PPP2R5A: variants seen among roughly 807,000 people sequenced by gnomAD.
PPP2R5A encodes the protein protein phosphatase 2 regulatory subunit B'alpha.
Under a neutral mutation model 64.2 loss-of-function variants are expected in PPP2R5A, and 25 were observed. The observed-to-expected ratio is 0.39, with a 90% CI of 0.28 to 0.54. The LOEUF is 0.54. Among genes scored for constraint, PPP2R5A ranks in the 20% least tolerant of loss-of-function variants. PPP2R5A has a pLI of 0.67. For missense variants in PPP2R5A, 425 were observed against 576.3 expected (o/e 0.74, Z 2.69); for synonymous variants, 198 against 201.2 (o/e 0.98, Z 0.13).
At chr1:212,303,507 CTTGGTGGTATCCT>C (rs1266157513) in intron 1 of PPP2R5A, among the ~76,000 whole-genome samples, 1 of 151,730 alleles carries the variant, frequency 6.6e-6, no homozygotes, top group Non-Finnish European at 1.5e-5. Context: ...TTTTCACTTT[CTTGGTGGTATCCT>C]TTGAAGCGCA....
In PPP2R5A at chr1:212,285,803, C is replaced by T. The variant is rs940221848; in HGVS notation, c.-308C>T. 20 of 285,178 alleles carry T rather than the reference C, an allele frequency of 7.0e-5. No homozygotes were observed. The highest frequency in any genetic ancestry group is 4.2e-4 in the African/African-American group (19 of 45,460). The allele number at this position is 285,178 out of a possible 1,614,324, so 17.7% of individuals were successfully genotyped here. ...CTCAGTTGTCTAAACTTCGGGCTCT[C>T]TTCCACCCGCTCTGCGCGCCCAGAG... On this transcript the variant is annotated 5_prime_UTR_variant, in exon 1 of 13. Transcript: ENST00000261461.
intron 1 of PPP2R5A, among the ~76,000 whole-genome samples, chr1:212,325,393 A>G (rs1659387727): frequency 1.3e-5 from 2 of 152,182 alleles, no homozygotes; most frequent in African/African-American, 4.8e-5. Context: ...CAGGTAGGGA[A>G]AAGACTTTGA....
intron 1 of PPP2R5A, among the ~76,000 whole-genome samples, chr1:212,316,587 CTTTTTTTT>C (rs751228809): frequency 0.013 from 477 of 36,702 alleles, 10 homozygotes; most frequent in African/African-American, 0.034. Flanking sequence ...TTGTGGGTGA[CTTTTTTTT>C]TTTTTTTTTT....
At chr1:212,309,420 G>A in intron 1 of PPP2R5A, 2 of 1,249,002 alleles carry the variant, frequency 1.6e-6, no homozygotes, top group Non-Finnish European at 2.3e-6. Flanking sequence ...TTTTGTGGCT[G>A]TGGACACCTT....
intron 1 of PPP2R5A, among the ~76,000 whole-genome samples, chr1:212,322,630 T>G (rs1659328822): frequency 6.6e-6 from 1 of 152,152 alleles, no homozygotes; most frequent in Admixed American, 6.6e-5. Flanking sequence ...ATTTAACCGT[T>G]TACAGTATGG....
At chr1:212,319,302 G>A (rs994991121) in intron 1 of PPP2R5A, 2 of 152,192 alleles carry the variant, frequency 1.3e-5, no homozygotes, top group African/African-American at 4.8e-5. Flanking sequence ...CTGTGAACTT[G>A]TTTGTTTCTA....
chr1:212,338,923 G>T (rs968778892), intron 3 of PPP2R5A, among the ~76,000 whole-genome samples: 5 of 152,108 alleles, frequency 3.3e-5, no homozygotes, highest in African/African-American at 1.2e-4. Flanking sequence ...AACATTGAGG[G>T]TAAAGTAATG....
At position 212,361,689 on chromosome 1, in the gene PPP2R5A, CTATA is replaced by C. The variant is rs2102453594; in HGVS notation, c.*922_*925del. On this transcript the variant is annotated 3_prime_UTR_variant, in exon 13 of 13. Coordinates refer to ENST00000261461, the MANE Select transcript of PPP2R5A (RefSeq NM_006243.4). Reference sequence around the variant, plus strand: ...CTCTGTAGAGCTCTGAAAAGGTTGACTATATAGAGGTCTTGTATGTTTTTACTTG... The same window carrying C: ...CTCTGTAGAGCTCTGAAAAGGTTGACTAGAGGTCTTGTATGTTTTTACTTG... 6.5e-6 allele frequency: 1 copy of C among 152,784 alleles called. No homozygotes were observed. The highest frequency in any genetic ancestry group is 2.1e-4 in the South Asian group (1 of 4,832). 9.5% of individuals were successfully genotyped at this position (152,784 alleles called of 1,614,324 possible). A position where few individuals can be genotyped will look rare whatever the true frequency, so the allele number is the denominator to read the frequency against.
intron 8 of PPP2R5A, 44 bp downstream of exon 8, chr1:212,349,286 G>T: frequency 4.9e-6 from 7 of 1,426,164 alleles, no homozygotes; most frequent in Non-Finnish European, 6.7e-6. Context: ...TGCATTAATA[G>T]CATTTCATTG....
intron 5 of PPP2R5A, 40 bp from the exon 6 acceptor site, chr1:212,347,307 G>T (rs1324755686): frequency 2.1e-6 from 3 of 1,424,102 alleles, no homozygotes; most frequent in Non-Finnish European, 2.9e-6. Context: ...GTTTTCTGAA[G>T]TTTGATTTTG....
At chr1:212,355,054 A>T (rs936272476) in intron 8 of PPP2R5A, among the ~76,000 whole-genome samples, 1 of 152,190 alleles carries the variant, frequency 6.6e-6, no homozygotes, top group African/African-American at 2.4e-5. Flanking sequence ...ATATAACTGT[A>T]TTTGTAGTCT....
intron 1 of PPP2R5A, among the ~76,000 whole-genome samples, chr1:212,293,024 A>G (rs1347855795): frequency 1.3e-5 from 2 of 152,236 alleles, no homozygotes; most frequent in East Asian, 3.8e-4. Context: ...CACTAGAGAC[A>G]GAAACTAAAA....
intron 1 of PPP2R5A, among the ~76,000 whole-genome samples, chr1:212,328,279 T>C (rs75883169): frequency 0.014 from 2,169 of 152,208 alleles, 50 homozygotes; most frequent in African/African-American, 0.048. Flanking sequence ...CTGAAAACTG[T>C]ACTCCAGCCC....
chr1:212,342,329 A>C (rs1288672183), intron 4 of PPP2R5A, 49 bp downstream of exon 4: 19 of 1,574,032 alleles, frequency 1.2e-5, no homozygotes, highest in Non-Finnish European at 1.4e-5. Context: ...CTTAGCAATG[A>C]TTTATTAACT....
At position 212,360,686 on chromosome 1, in the gene PPP2R5A, GGAGCTA is replaced by G. The variant is rs1420986000; in HGVS notation, c.1378_1383del (p.Glu460_Leu461del). 3 of 1,594,434 alleles carry G rather than the reference GGAGCTA, an allele frequency of 1.9e-6. No individual in the cohort carries two copies. The highest frequency in any genetic ancestry group is 2.3e-5 in the South Asian group (2 of 88,118). The stretch of plus-strand genomic sequence containing the variant: ...GTGAAGAATTATGGAAAAAATTAGA[GGAGCTA>G]AAGCTAAAGAAAGCTCTAGAAAAAC... On this transcript the variant is annotated inframe_deletion, in exon 13 of 13. Coordinates refer to ENST00000261461, the MANE Select transcript of PPP2R5A (RefSeq NM_006243.4).
intron 1 of PPP2R5A, among the ~76,000 whole-genome samples, chr1:212,298,042 A>T (rs1658730610): frequency 2.5e-5 from 1 of 39,598 alleles, no homozygotes; most frequent in South Asian, 5.5e-4. Context: ...GCTGCCCTCA[A>T]GCATCTGTTC....
chr1:212,351,505 G>C (rs1659878164), intron 8 of PPP2R5A, among the ~76,000 whole-genome samples: 1 of 152,114 alleles, frequency 6.6e-6, no homozygotes, highest in Non-Finnish European at 1.5e-5. Context: ...CCTGAGATCA[G>C]GAGTTCAAGA....
chr1:212,348,824 G>C (rs1322212420), intron 7 of PPP2R5A, among the ~76,000 whole-genome samples: 2 of 152,162 alleles, frequency 1.3e-5, no homozygotes, highest in Non-Finnish European at 2.9e-5. Context: ...CCTAGTTAGA[G>C]AGATTTTGGT....
chr1:212,349,049 T>C (rs1240826735), intron 7 of PPP2R5A, 140 bp from the exon 8 acceptor site: 3 of 462,250 alleles, frequency 6.5e-6, no homozygotes, highest in South Asian at 8.3e-5. Context: ...CACAATTTCA[T>C]TCACAGTTGT....
Sources: gnomAD v4.1 joint callset for allele counts (sites outside exome capture counted in the v4.1 genomes callset) on GRCh38, gnomAD v4.1.1 for gene constraint, MANE v1.5 for transcripts, NCBI Gene and HGNC (gene_info 2026-07-23, HGNC 2026-07-21) for gene names.